PIGV: variants seen among roughly 807,000 people sequenced by gnomAD.
PIGV encodes the protein phosphatidylinositol glycan anchor biosynthesis class V.
Under a neutral mutation model 39.2 loss-of-function variants are expected in PIGV, and 27 were observed. The observed-to-expected ratio is 0.69, with a 90% CI of 0.51 to 0.95. The LOEUF (loss-of-function observed/expected upper bound fraction) is 0.95, where lower values mean the gene tolerates loss of function less well. PIGV is among the 40% of genes least tolerant of loss of function. The pLI is 0.00. For synonymous variants in PIGV, 232 were observed against 241.7 expected, an observed-to-expected ratio of 0.96 and a Z score of 0.37; for missense variants, 523 against 586.4, an observed-to-expected ratio of 0.89 and a Z score of 1.12.
intron 2 of PIGV, among the ~76,000 whole-genome samples, chr1:26,792,653 C>G (rs1255869220): frequency 6.6e-6 from 1 of 152,162 alleles, no homozygotes; most frequent in African/African-American, 2.4e-5. Flanking sequence ...ACAGTAAATG[C>G]GATTTAATTA....
intron 3 of PIGV, 46 bp from the exon 4 acceptor site, chr1:26,797,517 T>G: frequency 1.3e-6 from 2 of 1,568,174 alleles, no homozygotes; most frequent in Non-Finnish European, 1.8e-6. Context: ...TTTGAGTCAG[T>G]GACATTCCAG....
In PIGV at chr1:26,794,352, G is replaced by A. The variant is rs1246996455; in HGVS notation, c.318G>A (p.Arg106=). 3.1e-6 allele frequency: 5 copies of A among 1,614,122 alleles called. No individual in the cohort carries two copies. The African/African-American group carries it at 6.7e-5, about 22-fold the overall frequency. Residue 106 remains arginine (R), a synonymous_variant, in exon 3 of 4, where the codon CGG becomes CGA. Transcript: ENST00000674202. ...LVGTELLRPL[R]GLLSLRSCLL... is the part of the protein sequence containing the mutation. ...GGACTGAACTGTTGAGACCCTTACG[G>A]GGGTTACTGAGTCTACGCAGTTGCC...
At position 26,794,505 on chromosome 1, in the gene PIGV, C is replaced by A; in HGVS notation, c.471C>A (p.Leu157=). 1 of 1,614,256 alleles carries A rather than the reference C, an allele frequency of 6.2e-7. No homozygotes were observed. The highest frequency in any genetic ancestry group is 8.5e-7 in the Non-Finnish European group (1 of 1,180,044). ...TTTATGCAGCTCTGCTTTTCTGTCT[C>A]AGCCCTGCCAATGTCTTCCTGGCAG... ...QSFYAALLFC[L]SPANVFLAAG... is the part of the protein sequence containing the mutation. The change falls in exon 3 of 4, where the codon CTC becomes CTA. Residue 157 remains leucine, a synonymous_variant. Transcript: ENST00000674202.
In PIGV at chr1:26,794,556, C is replaced by T. The variant is rs779350162; in HGVS notation, c.522C>T (p.Ala174=). 4 of 1,614,200 alleles carry T rather than the reference C, an allele frequency of 2.5e-6. No individual in the cohort carries two copies. The highest frequency in any genetic ancestry group is 3.3e-5 in the Admixed American group (2 of 60,016). The change falls in exon 3 of 4, where the codon GCC becomes GCT. Residue 174 remains alanine (A), a synonymous_variant. Coordinates refer to ENST00000674202, the MANE Select transcript of PIGV (RefSeq NM_017837.4). ...LAAGYSEALF[A]LLTFSAMGQL... is the part of the protein sequence containing the mutation. ...CTGGTTACTCAGAAGCTTTGTTTGC[C>T]CTCCTGACATTCAGTGCCATGGGGC...
Position 26,799,187 on chromosome 1 carries a change from C to G in PIGV, c.*1343C>G, listed in dbSNP as rs915977143. Among the ~76,000 whole-genome samples the G allele has an allele frequency of 6.6e-6, 1 of 152,194 alleles. No individual in the cohort carries two copies. The highest frequency in any genetic ancestry group is 2.1e-4 in the South Asian group (1 of 4,828). On this transcript the variant is annotated 3_prime_UTR_variant, in exon 4 of 4. Coordinates refer to ENST00000674202, the MANE Select transcript of PIGV (RefSeq NM_017837.4). ...TTTCAATGAGGGAAAGCAGTAACAT[C>G]TGGCAGATAAGGTGCCTGTTGTGCC...
At chr1:26,792,494 ATTT>A in intron 2 of PIGV, among the ~76,000 whole-genome samples, 1 of 151,224 alleles carries the variant, frequency 6.6e-6, no homozygotes, top group South Asian at 2.1e-4. Flanking sequence ...CGCCCGGCTA[ATTT>A]TTTGTATTTT....
At chr1:26,793,415 AG>A (rs1239361286) in intron 2 of PIGV, among the ~76,000 whole-genome samples, 1 of 152,192 alleles carries the variant, frequency 6.6e-6, no homozygotes, top group African/African-American at 2.4e-5. Flanking sequence ...GTCAGTTTTC[AG>A]CCCCCATCTT....
chr1:26,790,878 G>A lies in PIGV; in HGVS notation c.63G>A (p.Leu21=). The change falls in exon 2 of 4, where the codon CTG becomes CTA. Residue 21 remains leucine (L), a synonymous_variant. Transcript: ENST00000674202. ...VLRFAVSCRI[L]TLMLQALFNA... is the part of the protein sequence containing the mutation. ...GGTTTGCAGTCAGCTGCCGTATCCT[G>A]ACTCTGATGCTGCAGGTCAGTCTCC... 1 of 1,613,802 alleles carries A rather than the reference G, an allele frequency of 6.2e-7. No homozygotes were observed. The highest frequency in any genetic ancestry group is 8.5e-7 in the Non-Finnish European group (1 of 1,179,714).
rs1172094159 is a variant in PIGV, at chr1:26,794,368, C to T, written c.334C>T (p.Arg112Cys). The T allele has an allele frequency of 5.0e-6, 8 of 1,614,130 alleles. No individual in the cohort carries two copies. In the Admixed American group the frequency reaches 5.0e-5, roughly 10 times the overall value. The change falls in exon 3 of 4, where the codon CGC becomes TGC. Residue 112 changes from arginine to cysteine, a missense_variant. Physicochemically the swap from Arg to Cys is radical, Grantham distance 180 (BLOSUM62 -3). Coordinates refer to ENST00000674202, the MANE Select transcript of PIGV (RefSeq NM_017837.4). ...LRPLRGLLSL[R>C]SCLLISVASL... ...ACCCTTACGGGGGTTACTGAGTCTA[C>T]GCAGTTGCCTGCTGATTTCGGTAGC...
At position 26,794,508 on chromosome 1, in the gene PIGV, C is replaced by T; in HGVS notation, c.474C>T (p.Ser158=). 6.2e-7 allele frequency: 1 copy of T among 1,614,258 alleles called. No individual in the cohort carries two copies. The highest frequency in any genetic ancestry group is 1.7e-5 in the Admixed American group (1 of 60,020). Residue 158 remains serine, a synonymous_variant, in exon 3 of 4, where the codon AGC becomes AGT. Transcript: ENST00000674202. The part of the protein sequence containing the change: ...SFYAALLFCL[S]PANVFLAAGY... The stretch of plus-strand genomic sequence containing the variant: ...ATGCAGCTCTGCTTTTCTGTCTCAG[C>T]CCTGCCAATGTCTTCCTGGCAGCTG...
At chr1:26,793,814 G>A (rs761064641) in intron 2 of PIGV, among the ~76,000 whole-genome samples, 8 of 152,080 alleles carry the variant, frequency 5.3e-5, no homozygotes, top group African/African-American at 1.9e-4. Flanking sequence ...TTGCTACGTT[G>A]CCCAGGCTGG....
rs1557630101 is a variant in PIGV, at chr1:26,797,777, T to TA, written c.1416dup (p.Gly473ArgfsTer39). 1.2e-6 allele frequency: 2 copies of TA among 1,614,054 alleles called. No individual in the cohort carries two copies. Among genetic ancestry groups the TA allele is most frequent in the South Asian group, 1.1e-5 (1 of 91,086 alleles). On this transcript the variant is annotated frameshift_variant, in exon 4 of 4. Coordinates refer to ENST00000674202, the MANE Select transcript of PIGV (RefSeq NM_017837.4). LOFTEE classifies it high-confidence loss of function. ...TGTTCTCCAGTCACACGATACATTC[T>TA]AGGCTACTTCCTGACTTACTGGCTC...
Position 26,797,716 on chromosome 1 carries a change from A to C in PIGV, c.1354A>C (p.Asn452His), listed in dbSNP as rs977742727. ...DSPPGQKVPR[N>H]PIMGLLYHWK... is the part of the protein sequence containing the mutation. ...CCCACCAGGACAAAAGGTCCCCAGA[A>C]ATCCTATCATGGGACTTTTGTATCA... Residue 452 changes from asparagine (N) to histidine (H), a missense_variant, in exon 4 of 4, where the codon AAT becomes CAT. Coordinates refer to ENST00000674202, the MANE Select transcript of PIGV (RefSeq NM_017837.4). The C allele has an allele frequency of 3.1e-6, 5 of 1,613,996 alleles. No individual in the cohort carries two copies. In the African/African-American group the frequency reaches 6.7e-5, roughly 22 times the overall value.
At position 26,798,860 on chromosome 1, in the gene PIGV, C is replaced by T. The variant is rs961885397; in HGVS notation, c.*1016C>T. On this transcript the variant is annotated 3_prime_UTR_variant, in exon 4 of 4. Transcript: ENST00000674202. The stretch of plus-strand genomic sequence containing the variant: ...GATTCTAGTCCTCTCAGTAAAACCC[C>T]ATTTACCAGCCATGTGACTTGGGAG... Among the ~76,000 whole-genome samples, 1 of 152,152 alleles carries T rather than the reference C, an allele frequency of 6.6e-6. No homozygotes were observed. The highest frequency in any genetic ancestry group is 2.4e-5 in the African/African-American group (1 of 41,426).
intron 2 of PIGV, among the ~76,000 whole-genome samples, chr1:26,791,363 T>C (rs559970333): frequency 8.7e-4 from 132 of 152,332 alleles, no homozygotes; most frequent in African/African-American, 3.1e-3. Context: ...TAGTTCCTCC[T>C]ATTCCCCCGA....
rs2081326473 is a variant in PIGV, at chr1:26,792,584, C to T, written c.79-1529C>T. 3.3e-5 allele frequency among the ~76,000 whole-genome samples: 5 copies of T among 152,330 alleles called. No homozygotes were observed. The South Asian group carries it at 1.0e-3, about 32-fold the overall frequency. On this transcript the variant is annotated intron_variant, in intron 2 of 3. Transcript: ENST00000674202. Reference sequence around the variant, plus strand: ...CCTCGTGATCTGCCTGCCTCGGCCTCCCAAAGTGCTGGGATTACAGGCGTG... The same window carrying T: ...CCTCGTGATCTGCCTGCCTCGGCCTTCCAAAGTGCTGGGATTACAGGCGTG...
chr1:26,793,205 TA>T (rs2081334838), intron 2 of PIGV, among the ~76,000 whole-genome samples: 1 of 152,228 alleles, frequency 6.6e-6, no homozygotes, highest in East Asian at 1.9e-4. Flanking sequence ...CCTCCCACCT[TA>T]AAAAAAGTTT....
Position 26,794,863 on chromosome 1 carries a change from G to A in PIGV, c.829G>A (p.Val277Ile). The A allele has an allele frequency of 2.5e-6, 4 of 1,614,126 alleles. No homozygotes were observed. The highest frequency in any genetic ancestry group is 3.4e-6 in the Non-Finnish European group (4 of 1,180,024). Residue 277 changes from valine to isoleucine, a missense_variant, in exon 3 of 4, where the codon GTA becomes ATA. By Grantham distance (29) the Val-to-Ile change is conservative. Transcript: ENST00000674202. ...AGCCCGCCCCATTCCTGAGCCTTTG[G>A]TACAGTTAGCTGTAGACAAGGGCTA... is the stretch of plus-strand genomic sequence containing the variant. Reference protein sequence around the residue: ...GSARPIPEPLVQLAVDKGYRI... With the variant: ...GSARPIPEPLIQLAVDKGYRI...
chr1:26,797,575 T>C lies in PIGV; in HGVS notation c.1213T>C (p.Phe405Leu), dbSNP rs1057515509. 3 of 1,613,018 alleles carry C rather than the reference T, an allele frequency of 1.9e-6. No individual in the cohort carries two copies. Among genetic ancestry groups the C allele is most frequent in the African/African-American group, 2.7e-5 (2 of 74,866 alleles). ...TCATGATTTCTAGGTTCTCACCAGG[T>C]TTTTGGGCTCCTCCACTCCTATTAT... is the stretch of plus-strand genomic sequence containing the variant. ...LCMHVQVLTR[F>L]LGSSTPIMYW... is the part of the protein sequence containing the mutation. The change falls in exon 4 of 4, where the codon TTT becomes CTT. Residue 405 changes from phenylalanine (F) to leucine (L), a missense_variant. Physicochemically the swap from Phe to Leu is conservative, Grantham distance 22. Coordinates refer to ENST00000674202, the MANE Select transcript of PIGV (RefSeq NM_017837.4).
Sources: gnomAD v4.1 joint callset for allele counts (sites outside exome capture counted in the v4.1 genomes callset) on GRCh38, gnomAD v4.1.1 for gene constraint, MANE v1.5 for transcripts, NCBI Gene and HGNC (gene_info 2026-07-23, HGNC 2026-07-21) for gene names.